Variants in NCAPG2 observed in about 807,000 individuals in gnomAD.
NCAPG2 encodes the protein non-SMC condensin II complex subunit G2.
A neutral mutation model predicts 141.1 loss-of-function variants in NCAPG2; 53 were observed. The ratio of observed to expected loss-of-function variants is 0.38; its 90% CI spans 0.30 to 0.47. NCAPG2 has a LOEUF of 0.47. Among genes scored for constraint, NCAPG2 ranks in the 20% least tolerant of loss-of-function variants. The probability of loss-of-function intolerance (pLI) is 0.99; values close to 1 mark genes in which losing one functional copy is unlikely to be tolerated. For synonymous variants in NCAPG2, 499 were observed against 490.7 expected (o/e 1.02, Z -0.22); for missense variants, 1,087 against 1,389.0 (o/e 0.78, Z 3.46).
At chr7:158,636,037 T>C (rs1222062306) in intron 27 of NCAPG2, among the ~76,000 whole-genome samples, 2 of 152,244 alleles carry the variant, frequency 1.3e-5, no homozygotes, top group Non-Finnish European at 1.5e-5. Flanking sequence ...GAAGCCAATA[T>C]TTCACAGTCC....
chr7:158,690,521 G>T (rs775832275), intron 5 of NCAPG2, 47 bp downstream of exon 5: 1 of 1,564,822 alleles, frequency 6.4e-7, no homozygotes, highest in East Asian at 2.2e-5. Context: ...CTCCATCTGG[G>T]CAATAGAGAG....
intron 4 of NCAPG2, among the ~76,000 whole-genome samples, chr7:158,692,307 TA>T (rs34760044): frequency 0.85 from 129,171 of 151,790 alleles, 55,311 homozygotes; most frequent in Admixed American, 0.92. Context: ...ATTCTGTCTC[TA>T]AAAAAAAATG....
At chr7:158,642,859 G>C (rs1449470301) in intron 27 of NCAPG2, among the ~76,000 whole-genome samples, 1 of 152,134 alleles carries the variant, frequency 6.6e-6, no homozygotes, top group Non-Finnish European at 1.5e-5. Flanking sequence ...AGTAAAAATT[G>C]ATAAACCTCT....
intron 17 of NCAPG2, 23 bp from the exon 18 acceptor site, chr7:158,656,728 C>A: frequency 3.1e-6 from 5 of 1,609,912 alleles, no homozygotes; most frequent in Non-Finnish European, 4.2e-6. Context: ...GACGGAAAAT[C>A]GGACTGAGTA....
chr7:158,671,054 G>A (rs1292296174), intron 13 of NCAPG2, among the ~76,000 whole-genome samples: 1 of 148,280 alleles, frequency 6.7e-6, no homozygotes, highest in Non-Finnish European at 1.5e-5. Context: ...CTCATAAAGT[G>A]GGTGTCTCCC....
intron 13 of NCAPG2, among the ~76,000 whole-genome samples, chr7:158,670,646 T>C (rs892360123): frequency 2.0e-5 from 3 of 152,204 alleles, no homozygotes; most frequent in African/African-American, 4.8e-5. Context: ...CTTATATATA[T>C]GTCTCCATTT....
chr7:158,646,904 C>T (rs1831060816), intron 24 of NCAPG2, among the ~76,000 whole-genome samples: 1 of 152,002 alleles, frequency 6.6e-6, no homozygotes, highest in Admixed American at 6.6e-5. Context: ...TGGTGCATAC[C>T]TGTAGTCCCA....
In NCAPG2 at chr7:158,662,267, T is replaced by C. The variant is rs766717886; in HGVS notation, c.1916A>G (p.Asn639Ser). ...LWKSIDRSME[N>S]NKEAKLYTIN... The stretch of plus-strand genomic sequence containing the variant: ...CGTGTAAAGTTTGGCCTCTTTATTA[T>C]TTTCCATACTTCTGTCAATACTTTT... The change falls in exon 16 of 28, where the codon AAT (asparagine) becomes AGT (serine). Residue 639 changes from asparagine (N) to serine (S), a missense_variant. Asn to Ser is a conservative substitution (Grantham distance 46). Coordinates refer to ENST00000356309, the MANE Select transcript of NCAPG2 (RefSeq NM_017760.7). The C allele has an allele frequency of 3.1e-6, 5 of 1,610,890 alleles. No homozygotes were observed. In the African/African-American group the frequency reaches 5.3e-5, roughly 17 times the overall value.
chr7:158,632,887 T>C (rs1829979485), intron 27 of NCAPG2, among the ~76,000 whole-genome samples: 1 of 152,194 alleles, frequency 6.6e-6, no homozygotes, highest in African/African-American at 2.4e-5. Flanking sequence ...ACATTCTCTT[T>C]TCCATACTGT....
intron 8 of NCAPG2, among the ~76,000 whole-genome samples, chr7:158,685,169 G>T (rs939437398): frequency 1.3e-5 from 2 of 152,166 alleles, no homozygotes; most frequent in African/African-American, 4.8e-5. Context: ...GTCCAAAAGG[G>T]TATCTGGATG....
chr7:158,651,123 T>C, intron 23 of NCAPG2, 151 bp from the exon 24 acceptor site: 1 of 771,856 alleles, frequency 1.3e-6, no homozygotes, highest in Non-Finnish European at 1.9e-6. Flanking sequence ...GCCCACTACA[T>C]TCCACTCCCA....
chr7:158,690,466 G>A lies in NCAPG2; in HGVS notation c.537+102C>T, dbSNP rs556112384. On this transcript the variant is annotated intron_variant, in intron 5 of 27. Transcript: ENST00000356309. ...AGGCTGAGGCAGGAGGATTGCTCGA[G>A]CCCAGGAGTTTGAGGCTGCAGTGAG... 44 of 1,172,568 alleles carry A rather than the reference G, an allele frequency of 3.8e-5. 1 individual carries two copies. Among genetic ancestry groups the A allele is most frequent in the Middle Eastern group, 2.4e-4 (1 of 4,228 alleles). 72.6% of individuals were successfully genotyped at this position (1,172,568 alleles called of 1,614,324 possible).
intron 24 of NCAPG2, among the ~76,000 whole-genome samples, chr7:158,649,287 GA>G (rs1831300850): frequency 1.3e-5 from 2 of 152,072 alleles, no homozygotes; most frequent in African/African-American, 2.4e-5. Flanking sequence ...AATCCATAAG[GA>G]AATACAACAG....
chr7:158,654,545 G>C, intron 22 of NCAPG2, 50 bp downstream of exon 22: 1 of 1,551,892 alleles, frequency 6.4e-7, no homozygotes, highest in Non-Finnish European at 8.8e-7. Flanking sequence ...AGGGAGGGAG[G>C]GAAGGACTGG....
intron 24 of NCAPG2, among the ~76,000 whole-genome samples, chr7:158,648,371 T>C (rs1016945547): frequency 3.3e-5 from 5 of 149,448 alleles, no homozygotes; most frequent in Non-Finnish European, 5.9e-5. Flanking sequence ...TAAAAACAAT[T>C]CATCATAAAA....
intron 8 of NCAPG2, among the ~76,000 whole-genome samples, chr7:158,685,827 G>A (rs1384850386): frequency 4.6e-5 from 7 of 152,130 alleles, no homozygotes; most frequent in African/African-American, 1.7e-4. Flanking sequence ...AAAGTACTGA[G>A]ATATTTTATA....
chr7:158,658,328 G>C lies in NCAPG2; in HGVS notation c.2060+10C>G, dbSNP rs1832183834. 3.1e-6 allele frequency: 5 copies of C among 1,604,054 alleles called. No homozygotes were observed. Among genetic ancestry groups the C allele is most frequent in the Admixed American group, 1.7e-5 (1 of 58,190 alleles). ...TACTTTTCTACCGTACCAAAAAACA[G>C]AGCAAATACCTGAATGGGGGGACAG... On this transcript the variant is annotated intron_variant, in intron 17 of 27. Coordinates refer to ENST00000356309, the MANE Select transcript of NCAPG2 (RefSeq NM_017760.7).
At chr7:158,638,247 T>C (rs1055830591) in intron 27 of NCAPG2, among the ~76,000 whole-genome samples, 1 of 152,164 alleles carries the variant, frequency 6.6e-6, no homozygotes, top group African/African-American at 2.4e-5. Flanking sequence ...AAAAACATTG[T>C]TTTTTGTTTG....
At chr7:158,637,898 C>A (rs1486339578) in intron 27 of NCAPG2, among the ~76,000 whole-genome samples, 1 of 152,126 alleles carries the variant, frequency 6.6e-6, no homozygotes, top group Admixed American at 6.5e-5. Flanking sequence ...AATCCCAGCA[C>A]TTTGGGAGGC....
Sources: gnomAD v4.1 joint callset for allele counts (sites outside exome capture counted in the v4.1 genomes callset) on GRCh38, gnomAD v4.1.1 for gene constraint, MANE v1.5 for transcripts, NCBI Gene and HGNC (gene_info 2026-07-23, HGNC 2026-07-21) for gene names.